ADAMTS9: variants seen among roughly 807,000 people sequenced by gnomAD.
The protein encoded by ADAMTS9 is A disintegrin and metalloproteinase with thrombospondin motifs 9.
In ADAMTS9, 107 loss-of-function variants were observed where a neutral mutation model predicts 257.1. The ratio of observed to expected loss-of-function variants is 0.42; its 90% confidence interval spans 0.36 to 0.49. The LOEUF is 0.49. Among genes scored for constraint, ADAMTS9 ranks in the 20% least tolerant of loss-of-function variants. The pLI is 0.03. For synonymous variants in ADAMTS9, 982 were observed against 880.9 expected (o/e 1.11, Z -2.03); for missense variants, 2,353 against 2,469.1 (o/e 0.95, Z 1.00).
intron 8 of ADAMTS9, among the ~76,000 whole-genome samples, chr3:64,653,127 T>C (rs1260998364): frequency 6.6e-6 from 1 of 152,198 alleles, no homozygotes; most frequent in African/African-American, 2.4e-5. Flanking sequence ...ATTCTACACC[T>C]GTACTGTTAT....
intron 39 of ADAMTS9, among the ~76,000 whole-genome samples, chr3:64,517,956 T>C (rs2082801562): frequency 6.6e-6 from 1 of 152,148 alleles, no homozygotes; most frequent in African/African-American, 2.4e-5. Context: ...GGGTACATGA[T>C]CTCAGATCCT....
chr3:64,542,494 C>T (rs1399992311), intron 32 of ADAMTS9, among the ~76,000 whole-genome samples: 8 of 146,912 alleles, frequency 5.4e-5, no homozygotes, highest in Non-Finnish European at 1.0e-4. Context: ...ATGGCACAAT[C>T]ACAGCTCACG....
At chr3:64,676,821 A>C (rs1337753194) in intron 3 of ADAMTS9, among the ~76,000 whole-genome samples, 1 of 152,196 alleles carries the variant, frequency 6.6e-6, no homozygotes, top group African/African-American at 2.4e-5. Flanking sequence ...GACAGTTCTT[A>C]AATGCCTTAA....
Position 64,596,991 on chromosome 3 carries a change from A to G in ADAMTS9, c.4018T>C (p.Cys1340Arg). The change falls in exon 27 of 40, where the codon TGT becomes CGT. Residue 1340 changes from cysteine (C) to arginine (R), a missense_variant and splice_region_variant. Transcript: ENST00000498707. ...NQWRTGPWGA[C>R]SSTCAGGSQR... The stretch of plus-strand genomic sequence containing the variant: ...GATCCGCCAGCACAGGTACTGGAAC[A>G]CTAAACACATCAGTCGACAAGTTAA... 1 of 1,613,838 alleles carries G rather than the reference A, an allele frequency of 6.2e-7. No homozygotes were observed. The highest frequency in any genetic ancestry group is 8.5e-7 in the Non-Finnish European group (1 of 1,179,880).
intron 13 of ADAMTS9, 31 bp from the exon 14 acceptor site, chr3:64,633,639 T>C: frequency 1.9e-6 from 3 of 1,614,006 alleles, no homozygotes; most frequent in South Asian, 1.1e-5. Flanking sequence ...AACTTGACTT[T>C]TGTGCCTGGC....
At chr3:64,611,782 C>G (rs374111263) in intron 22 of ADAMTS9, among the ~76,000 whole-genome samples, 29 of 152,292 alleles carry the variant, frequency 1.9e-4, no homozygotes, top group African/African-American at 6.7e-4. Context: ...TGGTTCTTTA[C>G]AGGCCATGGC....
At chr3:64,596,103 T>C (rs2084359726) in intron 27 of ADAMTS9, among the ~76,000 whole-genome samples, 2 of 152,250 alleles carry the variant, frequency 1.3e-5, no homozygotes, top group Non-Finnish European at 2.9e-5. Flanking sequence ...TGATAGATAC[T>C]ACCTCATATC....
At chr3:64,612,907 T>C (rs923293600) in intron 22 of ADAMTS9, among the ~76,000 whole-genome samples, 1 of 152,164 alleles carries the variant, frequency 6.6e-6, no homozygotes, top group African/African-American at 2.4e-5. Context: ...CTGGCTTATT[T>C]ATGAGAGGTG....
chr3:64,530,164 G>A lies in ADAMTS9; in HGVS notation c.5718+3002C>T, dbSNP rs192992411. On this transcript the variant is annotated intron_variant, in intron 38 of 39. Coordinates refer to ENST00000498707, the MANE Select transcript of ADAMTS9 (RefSeq NM_182920.2). ...CACAAGCCCTGCAGGTGATGGTGAAGCACTCCTGAGTTTGAGAACCACTGC... is the reference window on the plus strand; with the variant it reads ...CACAAGCCCTGCAGGTGATGGTGAAACACTCCTGAGTTTGAGAACCACTGC... Among the ~76,000 whole-genome samples the A allele has an allele frequency of 2.0e-3, 310 of 152,044 alleles. 1 individual carries two copies. The highest frequency in any genetic ancestry group is 5.7e-3 in the African/African-American group (235 of 41,436).
In ADAMTS9 at chr3:64,515,755, C is replaced by T. The variant is rs756302270; in HGVS notation, c.*1372G>A. On this transcript the variant is annotated 3_prime_UTR_variant, in exon 40 of 40. Coordinates refer to ENST00000498707, the MANE Select transcript of ADAMTS9 (RefSeq NM_182920.2). ...ACTGAATATAACTTTTCCTGGAGCA[C>T]TCTAGAGCTTGTTTGGAGTTGGAGA... is the stretch of plus-strand genomic sequence containing the variant. The T allele has an allele frequency of 1.3e-5, 2 of 152,152 alleles. No homozygotes were observed. The highest frequency in any genetic ancestry group is 2.1e-4 in the South Asian group (1 of 4,830). The allele number at this position is 152,152 out of a possible 1,614,324, so 9.4% of individuals were successfully genotyped here. A position where few individuals can be genotyped will look rare whatever the true frequency, so the allele number is the denominator to read the frequency against.
intron 3 of ADAMTS9, 95 bp downstream of exon 3, chr3:64,681,106 G>A: frequency 7.2e-7 from 1 of 1,387,742 alleles, no homozygotes; most frequent in Non-Finnish European, 9.8e-7. Flanking sequence ...GCATATGGTT[G>A]CACTTTGTAG....
chr3:64,537,073 G>A (rs1417319750), intron 37 of ADAMTS9, among the ~76,000 whole-genome samples: 1 of 152,142 alleles, frequency 6.6e-6, no homozygotes, highest in African/African-American at 2.4e-5. Context: ...CTCACATCTT[G>A]CATCAGTGTA....
intron 30 of ADAMTS9, among the ~76,000 whole-genome samples, chr3:64,554,345 C>T (rs990444948): frequency 6.6e-6 from 1 of 152,164 alleles, no homozygotes; most frequent in Non-Finnish European, 1.5e-5. Context: ...AAGTGACTTG[C>T]CCAGTGTTTC....
intron 25 of ADAMTS9, among the ~76,000 whole-genome samples, chr3:64,603,496 T>C (rs2084502637): frequency 7.9e-5 from 12 of 152,158 alleles, no homozygotes; most frequent in Admixed American, 7.9e-4. Flanking sequence ...CTTCCCATTC[T>C]TGTCAGGGGA....
At chr3:64,533,971 G>A (rs2083015560) in intron 37 of ADAMTS9, among the ~76,000 whole-genome samples, 1 of 152,126 alleles carries the variant, frequency 6.6e-6, no homozygotes, top group African/African-American at 2.4e-5. Context: ...AGACCCTCTC[G>A]CTGCTTTCTC....
intron 2 of ADAMTS9, among the ~76,000 whole-genome samples, chr3:64,682,955 A>G (rs1386508390): frequency 6.6e-6 from 1 of 152,202 alleles, no homozygotes; most frequent in Non-Finnish European, 1.5e-5. Context: ...CAGAATTTCT[A>G]GGGATGGATC....
chr3:64,534,781 G>A (rs952233152), intron 37 of ADAMTS9, among the ~76,000 whole-genome samples: 4 of 152,134 alleles, frequency 2.6e-5, no homozygotes, highest in African/African-American at 9.7e-5. Flanking sequence ...AACTGTGGGG[G>A]GGCAGGGAAT....
At chr3:64,640,046 T>C (rs1700600275) in intron 12 of ADAMTS9, among the ~76,000 whole-genome samples, 1 of 152,196 alleles carries the variant, frequency 6.6e-6, no homozygotes, top group Admixed American at 6.5e-5. Context: ...AAGCATGATC[T>C]ATATTTATAC....
At position 64,651,146 on chromosome 3, in the gene ADAMTS9, T is replaced by G. The variant is rs750300979; in HGVS notation, c.1334A>C (p.Asp445Ala). The part of the protein sequence containing the change: ...ELGHVFNMPH[D>A]DNNKCKEEGV... ...TTCTTCTTTACATTTGTTGTTGTCA[T>G]CATGAGGCATGTTAAACCTAAAGCC... is the stretch of plus-strand genomic sequence containing the variant. The change falls in exon 9 of 40, where the codon GAT becomes GCT. Residue 445 changes from aspartate (D) to alanine (A), a missense_variant. Asp to Ala is a moderately radical substitution (Grantham distance 126). This residue lies in a region of ADAMTS9 where 591 missense variants were observed against 569.6 expected (regional missense o/e 1.04). Coordinates refer to ENST00000498707, the MANE Select transcript of ADAMTS9 (RefSeq NM_182920.2). 1 of 1,585,074 alleles carries G rather than the reference T, an allele frequency of 6.3e-7. No homozygotes were observed. The highest frequency in any genetic ancestry group is 1.2e-5 in the South Asian group (1 of 85,002).
Sources: allele counts gnomAD v4.1 joint callset (sites outside exome capture counted in the v4.1 genomes callset), GRCh38; gene constraint gnomAD v4.1.1; regional missense constraint gnomAD v4.1.1; transcripts MANE v1.5; gene names NCBI Gene and HGNC (gene_info 2026-07-23, HGNC 2026-07-21).